CLVS2: variants seen among roughly 807,000 people sequenced by gnomAD.
The protein encoded by CLVS2 is clavesin-2.
A neutral mutation model predicts 29.0 loss-of-function variants in CLVS2; 19 were observed. The observed-to-expected ratio is 0.66, with a 90% CI of 0.46 to 0.96. The LOEUF (loss-of-function observed/expected upper bound fraction) is 0.96. Among genes scored for constraint, CLVS2 ranks in the 40% least tolerant of loss-of-function variants. The probability of loss-of-function intolerance (pLI) is 0.00; values close to 1 mark genes in which losing one functional copy is unlikely to be tolerated. For synonymous variants in CLVS2, 161 were observed against 151.3 expected (o/e 1.06, Z -0.47); for missense variants, 294 against 404.1 (o/e 0.73, Z 2.34).
Position 122,997,854 on chromosome 6 carries a change from C to T in CLVS2, c.77C>T (p.Thr26Met). The T allele has an allele frequency of 6.2e-7, 1 of 1,614,158 alleles. No homozygotes were observed. The highest frequency in any genetic ancestry group is 8.5e-7 in the Non-Finnish European group (1 of 1,180,012). Residue 26 changes from threonine to methionine, a missense_variant, in exon 2 of 6, where the codon ACG becomes ATG. By Grantham distance (81) the Thr-to-Met change is moderately conservative (BLOSUM62 -1). Around this residue, in one of 2 missense-constraint regions of CLVS2, gnomAD observed 212 missense variants for 336.4 expected, o/e 0.63. Coordinates refer to ENST00000275162, the MANE Select transcript of CLVS2 (RefSeq NM_001010852.4). ...CTGGAGCTCAATGAAAACCCAGACA[C>T]GCTGCACCAGGACATCCAGGAGGTG... ...ARLELNENPD[T>M]LHQDIQEVRD...
intron 3 of CLVS2, among the ~76,000 whole-genome samples, chr6:123,014,521 A>G (rs544261204): frequency 1.3e-5 from 2 of 152,202 alleles, no homozygotes; most frequent in East Asian, 3.9e-4. Flanking sequence ...TTGGATGGCA[A>G]CCCTGCCATG....
At chr6:123,038,662 A>G (rs191261146) in intron 3 of CLVS2, among the ~76,000 whole-genome samples, 196 of 151,986 alleles carry the variant, frequency 1.3e-3, no homozygotes, top group African/African-American at 4.4e-3. Flanking sequence ...TAAATAAATT[A>G]TTTTTTCCTA....
At chr6:123,040,511 C>T (rs987203207) in intron 3 of CLVS2, among the ~76,000 whole-genome samples, 3 of 152,152 alleles carry the variant, frequency 2.0e-5, no homozygotes, top group East Asian at 1.9e-4. Context: ...TTGTTAATTA[C>T]GCGCCAGGCG....
chr6:122,998,267 A>G, intron 2 of CLVS2, 101 bp downstream of exon 2: 2 of 1,392,076 alleles, frequency 1.4e-6, no homozygotes, highest in Non-Finnish European at 9.6e-7. Flanking sequence ...ATTTTTGTTT[A>G]TTTGGCTTGG....
At position 123,055,960 on chromosome 6, in the gene CLVS2, A is replaced by G. The variant is rs760560905; in HGVS notation, c.830A>G (p.Asn277Ser). The change falls in exon 5 of 6, where the codon AAT (asparagine) becomes AGT (serine). Residue 277 changes from asparagine to serine, a missense_variant. By Grantham distance (46) the Asn-to-Ser change is conservative. This residue lies in a region of CLVS2 where 82 missense variants were observed against 67.8 expected (regional missense o/e 1.21). Coordinates refer to ENST00000275162, the MANE Select transcript of CLVS2 (RefSeq NM_001010852.4). Reference sequence around the variant, plus strand: ...GAATATGACGATGACAGCGAGTACAATGTAGACTCCTACAGCATGCCTGTG... The same window carrying G: ...GAATATGACGATGACAGCGAGTACAGTGTAGACTCCTACAGCATGCCTGTG... ...DHEYDDDSEY[N>S]VDSYSMPVKE... 91 of 1,614,020 alleles carry G rather than the reference A, an allele frequency of 5.6e-5. No homozygotes were observed. The highest frequency in any genetic ancestry group is 7.4e-5 in the Non-Finnish European group (87 of 1,179,962).
intron 3 of CLVS2, among the ~76,000 whole-genome samples, chr6:123,046,102 G>A (rs913142740): frequency 1.3e-5 from 2 of 152,118 alleles, no homozygotes; most frequent in African/African-American, 2.4e-5. Context: ...CAAGGGCTAC[G>A]TTCTTGTTTT....
chr6:123,055,906 G>T lies in CLVS2; in HGVS notation c.776G>T (p.Gly259Val), dbSNP rs770453643. The change falls in exon 5 of 6, where the codon GGG (glycine) becomes GTG (valine). Residue 259 changes from glycine (G) to valine (V), a missense_variant. By Grantham distance (109) the Gly-to-Val change is moderately radical. Coordinates refer to ENST00000275162, the MANE Select transcript of CLVS2 (RefSeq NM_001010852.4). The part of the protein sequence containing the change: ...FGGMLPPYDM[G>V]TWARTLLDHE... The stretch of plus-strand genomic sequence containing the variant: ...GGAATGCTGCCTCCTTATGACATGG[G>T]GACATGGGCAAGAACACTGCTAGAC... The T allele has an allele frequency of 1.9e-6, 3 of 1,613,786 alleles. No homozygotes were observed. Among genetic ancestry groups the T allele is most frequent in the Non-Finnish European group, 2.5e-6 (3 of 1,179,868 alleles).
intron 3 of CLVS2, among the ~76,000 whole-genome samples, chr6:123,040,422 T>C (rs1775211264): frequency 6.6e-6 from 1 of 152,086 alleles, no homozygotes; most frequent in Non-Finnish European, 1.5e-5. Flanking sequence ...ATTATTTCAG[T>C]ACATGTGTTC....
chr6:123,027,366 G>A (rs572728234), intron 3 of CLVS2, among the ~76,000 whole-genome samples: 46 of 152,238 alleles, frequency 3.0e-4, no homozygotes, highest in South Asian at 4.1e-4. Flanking sequence ...AGAGACTTTC[G>A]TAGCAAACCA....
intron 2 of CLVS2, among the ~76,000 whole-genome samples, chr6:122,998,682 G>A (rs1774547895): frequency 6.6e-6 from 1 of 152,180 alleles, no homozygotes. Flanking sequence ...GAAGTTCTCT[G>A]TTTGGTGATG....
intron 2 of CLVS2, among the ~76,000 whole-genome samples, chr6:122,999,264 T>C (rs573120601): frequency 1.3e-5 from 2 of 152,308 alleles, no homozygotes; most frequent in East Asian, 3.9e-4. Flanking sequence ...GGCTTATGGA[T>C]CATAGAGATT....
intron 4 of CLVS2, 102 bp downstream of exon 4, chr6:123,048,834 A>G (rs1772561083): frequency 4.0e-6 from 3 of 744,568 alleles, no homozygotes; most frequent in Non-Finnish European, 6.8e-6. Flanking sequence ...GTACTTCTAC[A>G]TTGTATAGAA....
chr6:123,034,480 T>C lies in CLVS2; in HGVS notation c.565-14142T>C, dbSNP rs545428737. ...AAGCCAATCTCAAAAGGCAGCATACTGTATCATGTACATAAAATTCTCAAC... is the reference window on the plus strand; with the variant it reads ...AAGCCAATCTCAAAAGGCAGCATACCGTATCATGTACATAAAATTCTCAAC... On this transcript the variant is annotated intron_variant, in intron 3 of 5. Transcript: ENST00000275162. 1.3e-3 allele frequency among the ~76,000 whole-genome samples: 197 copies of C among 152,286 alleles called. 3 individuals are homozygous for C. Among genetic ancestry groups the C allele is most frequent in the African/African-American group, 4.5e-3 (189 of 41,572 alleles).
rs1245279680 is a variant in CLVS2 at position 123,067,594 on chromosome 6, GC to G, written c.*3834del. 6.6e-6 allele frequency: 1 copy of G among 151,700 alleles called. No individual in the cohort carries two copies. The highest frequency in any genetic ancestry group is 2.4e-5 in the African/African-American group (1 of 41,388). 9.4% of individuals were successfully genotyped at this position (151,700 alleles called of 1,614,324 possible). On this transcript the variant is annotated 3_prime_UTR_variant, in exon 6 of 6. Coordinates refer to ENST00000275162, the MANE Select transcript of CLVS2 (RefSeq NM_001010852.4). ...ATTTTCAACACACTAAATAAAATGA[GC>G]AGAGCTCTAGCATGATATTTGAACT...
chr6:123,023,519 A>G (rs1014055827), intron 3 of CLVS2, among the ~76,000 whole-genome samples: 1 of 152,132 alleles, frequency 6.6e-6, no homozygotes, highest in Non-Finnish European at 1.5e-5. Flanking sequence ...ATTTACAAGC[A>G]CAAAACATTC....
chr6:123,046,377 C>T (rs771319035), intron 3 of CLVS2, among the ~76,000 whole-genome samples: 5 of 152,004 alleles, frequency 3.3e-5, no homozygotes, highest in Non-Finnish European at 4.4e-5. Context: ...TCATTTGAGC[C>T]GGCCAGGTGC....
At chr6:123,030,324 G>A (rs540523672) in intron 3 of CLVS2, among the ~76,000 whole-genome samples, 2 of 152,272 alleles carry the variant, frequency 1.3e-5, no homozygotes, top group East Asian at 1.9e-4. Flanking sequence ...ATTGTGTAGT[G>A]TTTAATCTTC....
chr6:123,013,255 A>G (rs1408909139), intron 3 of CLVS2, among the ~76,000 whole-genome samples: 1 of 152,074 alleles, frequency 6.6e-6, no homozygotes, highest in African/African-American at 2.4e-5. Flanking sequence ...CAATATCAAA[A>G]TAAGACCACA....
chr6:123,022,374 C>G (rs1026927121), intron 3 of CLVS2, among the ~76,000 whole-genome samples: 1 of 151,896 alleles, frequency 6.6e-6, no homozygotes, highest in Non-Finnish European at 1.5e-5. Context: ...GGAAAGTGTG[C>G]TTATTCAGTC....
Sources: allele counts gnomAD v4.1 joint callset (sites outside exome capture counted in the v4.1 genomes callset), GRCh38; gene constraint gnomAD v4.1.1; regional missense constraint gnomAD v4.1.1; transcripts MANE v1.5; gene names NCBI Gene and HGNC (gene_info 2026-07-23, HGNC 2026-07-21).